The following ASH1L variants were observed in gnomAD, a reference collection of about 807,000 sequenced individuals.
The protein encoded by ASH1L is ASH1 like histone lysine methyltransferase.
In ASH1L, 23 loss-of-function variants were observed where a neutral mutation model predicts 269.0. That is an observed-to-expected ratio of 0.09 (90% CI 0.06 to 0.12). ASH1L has a LOEUF of 0.12. Ranked by LOEUF, ASH1L falls within the 10% of genes least tolerant of loss-of-function variation. The pLI is 1.00. For synonymous variants in ASH1L, 1,187 were observed against 1,253.5 expected (o/e 0.95, Z 1.12); for missense variants, 2,912 against 3,567.8 (o/e 0.82, Z 4.68).
chr1:155,411,586 A>AATATATATATATAAATATATATAT lies in ASH1L; in HGVS notation c.6008+4157_6008+4158insATATATATATTTATATATATATAT, dbSNP rs1553253332. On this transcript the variant is annotated intron_variant, in intron 6 of 27. Transcript: ENST00000392403. ...AAATATGAATATAAATAAATAAATA[A>AATATATATATATAAATATATATAT]ATATATATATATATATATATATATA... is the stretch of plus-strand genomic sequence containing the variant. Among the ~76,000 whole-genome samples the AATATATATATATAAATATATATAT allele has an allele frequency of 1.4e-3, 77 of 55,102 alleles. 2 individuals carry two copies. In the Admixed American group the frequency reaches 0.017, roughly 12 times the overall value. 36.1% of individuals were successfully genotyped at this position (55,102 alleles called of 152,430 possible).
chr1:155,378,614 C>A, intron 8 of ASH1L, 66 bp from the exon 9 acceptor site: 1 of 1,306,986 alleles, frequency 7.7e-7, no homozygotes, highest in South Asian at 1.3e-5. Flanking sequence ...CAGCATCAAT[C>A]ACTAAAAATA....
At chr1:155,419,518 T>TA (rs556209771) in intron 5 of ASH1L, 4 of 152,156 alleles carry the variant, frequency 2.6e-5, no homozygotes, top group Non-Finnish European at 5.9e-5. Flanking sequence ...GCATTTTACT[T>TA]AAAAAATAAT....
At chr1:155,418,573 C>A (rs566014279) in intron 5 of ASH1L, among the ~76,000 whole-genome samples, 2 of 152,072 alleles carry the variant, frequency 1.3e-5, no homozygotes, top group South Asian at 4.2e-4. Context: ...ACAACAAAAA[C>A]CAGATATACA....
rs373246025 is a variant in ASH1L, at chr1:155,547,788, G to C, written c.-100+14365C>G. Among the ~76,000 whole-genome samples, 20 of 151,324 alleles carry C rather than the reference G, an allele frequency of 1.3e-4. 1 individual carries two copies. The East Asian group carries it at 1.6e-3, about 12-fold the overall frequency. ...GAGATTGAGACCATCCTGGCTAACAGGGTGAAACCCCGCCTCTACTAAAAA... is the reference window on the plus strand; with the variant it reads ...GAGATTGAGACCATCCTGGCTAACACGGTGAAACCCCGCCTCTACTAAAAA... On this transcript the variant is annotated intron_variant, in intron 1 of 27. Transcript: ENST00000392403.
At chr1:155,352,898 G>A (rs761842060) in intron 16 of ASH1L, 40 bp from the exon 17 acceptor site, 76 of 1,570,642 alleles carry the variant, frequency 4.8e-5, no homozygotes, top group Non-Finnish European at 6.5e-5. Context: ...AGGAAACAAG[G>A]AGCTCTACAT....
chr1:155,433,399 G>A (rs1222261585), intron 5 of ASH1L: 1 of 1,605,966 alleles, frequency 6.2e-7, no homozygotes, highest in Admixed American at 1.7e-5. Flanking sequence ...GTGGGGGGAT[G>A]GCGTACTGTG....
chr1:155,419,983 A>G (rs1385149558), intron 5 of ASH1L, among the ~76,000 whole-genome samples: 1 of 152,160 alleles, frequency 6.6e-6, no homozygotes, highest in Non-Finnish European at 1.5e-5. Flanking sequence ...ATGTTCTATC[A>G]ATGAGAAAAC....
At chr1:155,416,537 A>T (rs1479129984) in intron 5 of ASH1L, among the ~76,000 whole-genome samples, 1 of 151,022 alleles carries the variant, frequency 6.6e-6, no homozygotes, top group Non-Finnish European at 1.5e-5. Flanking sequence ...CCTTTCTTTT[A>T]TCTTTTTTTG....
chr1:155,352,238 G>A (rs1653989199), intron 17 of ASH1L, among the ~76,000 whole-genome samples: 1 of 148,018 alleles, frequency 6.8e-6, no homozygotes, highest in African/African-American at 2.5e-5. Context: ...CGAGGCAGAA[G>A]GATCGCTTGA....
intron 3 of ASH1L, among the ~76,000 whole-genome samples, chr1:155,472,328 G>A (rs888394640): frequency 6.6e-6 from 1 of 152,040 alleles, no homozygotes; most frequent in Non-Finnish European, 1.5e-5. Context: ...AGACAAATTC[G>A]TACTTAACAC....
At chr1:155,534,458 G>C (rs1205625325) in intron 1 of ASH1L, among the ~76,000 whole-genome samples, 1 of 151,430 alleles carries the variant, frequency 6.6e-6, no homozygotes, top group African/African-American at 2.4e-5. Context: ...CTGAAGACTT[G>C]ACCAAATGGT....
Position 155,482,379 on chromosome 1 carries a change from C to T in ASH1L, c.491G>A (p.Arg164His), listed in dbSNP as rs149664653. 4.0e-4 allele frequency: 646 copies of T among 1,613,934 alleles called. 3 individuals carry two copies. Among genetic ancestry groups the T allele is most frequent in the Admixed American group, 7.7e-4 (46 of 60,000 alleles). Residue 164 changes from arginine (R) to histidine (H), a missense_variant, in exon 3 of 28, where the codon CGT (arginine) becomes CAT (histidine). By Grantham distance (29) the Arg-to-His change is conservative (BLOSUM62 0). Around this residue, in one of 13 missense-constraint regions of ASH1L, gnomAD observed 277 missense variants for 367.7 expected, o/e 0.75. Transcript: ENST00000392403. ...ATTGTTTTCTCCCTGTGAATGAAGA[C>T]GGATGACTTCTTCAGACTGGCATTC... The part of the protein sequence containing the change: ...AIECQSEEVI[R>H]LHSQGENNPL...
At chr1:155,542,581 T>C (rs902102829) in intron 1 of ASH1L, among the ~76,000 whole-genome samples, 3 of 151,772 alleles carry the variant, frequency 2.0e-5, no homozygotes, top group Non-Finnish European at 2.9e-5. Context: ...ATTTTGGCGA[T>C]GATTACAGCC....
intron 4 of ASH1L, chr1:155,440,575 T>C (rs992491208): frequency 5.3e-6 from 5 of 940,152 alleles, no homozygotes; most frequent in South Asian, 4.9e-5. Context: ...TAAATATTCA[T>C]ACCAATCTTC....
At chr1:155,424,955 C>T (rs1358000869) in intron 5 of ASH1L, among the ~76,000 whole-genome samples, 1 of 151,496 alleles carries the variant, frequency 6.6e-6, no homozygotes, top group Non-Finnish European at 1.5e-5. Context: ...AGACACCCAC[C>T]ACCTCACCTG....
At position 155,360,349 on chromosome 1, in the gene ASH1L, A is replaced by C; in HGVS notation, c.6747T>G (p.Thr2249=). Residue 2249 remains threonine (T), a synonymous_variant, in exon 13 of 28, where the codon ACT becomes ACG. Transcript: ENST00000392403. ...LYALKDMPAG[T]ELTYDYNFHS... ...GAAAGTTATAATCATAAGTGAGTTC[A>C]GTCCCAGCTGGCATGTCTTTAAGAG... The C allele has an allele frequency of 2.5e-6, 4 of 1,613,732 alleles. No individual in the cohort carries two copies. Among genetic ancestry groups the C allele is most frequent in the African/African-American group, 1.3e-5 (1 of 75,050 alleles).
At chr1:155,476,449 C>T (rs1665557119) in intron 3 of ASH1L, among the ~76,000 whole-genome samples, 1 of 152,076 alleles carries the variant, frequency 6.6e-6, no homozygotes, top group South Asian at 2.1e-4. Context: ...AGATTCTCCA[C>T]TAAGTTTTAA....
intron 5 of ASH1L, chr1:155,433,903 G>A (rs1374851390): frequency 2.5e-6 from 4 of 1,596,978 alleles, no homozygotes; most frequent in African/African-American, 1.3e-5. Context: ...AGAACCGAGT[G>A]AGAGGCAACC....
intron 4 of ASH1L, among the ~76,000 whole-genome samples, chr1:155,446,802 T>A (rs1220189932): frequency 1.3e-5 from 2 of 151,634 alleles, no homozygotes; most frequent in African/African-American, 2.4e-5. Context: ...TTTTTGTATT[T>A]TTAGTAGAGA....
Sources: gnomAD v4.1 joint callset for allele counts (sites outside exome capture counted in the v4.1 genomes callset) on GRCh38, gnomAD v4.1.1 for gene constraint, gnomAD v4.1.1 regional missense constraint, MANE v1.5 for transcripts, NCBI Gene and HGNC (gene_info 2026-07-23, HGNC 2026-07-21) for gene names.